The following SLC38A4 variants were observed in gnomAD, a reference collection of about 807,000 sequenced individuals.
SLC38A4 encodes the protein sodium-coupled neutral amino acid transporter 4.
Under a neutral mutation model 63.1 loss-of-function variants are expected in SLC38A4, and 20 were observed. The observed-to-expected ratio is 0.32, with a 90% CI of 0.22 to 0.46. SLC38A4 has a LOEUF of 0.46. SLC38A4 is among the 20% of genes least tolerant of loss of function. The pLI is 1.00. For synonymous variants in SLC38A4, 230 were observed against 225.5 expected, an observed-to-expected ratio of 1.02 and a Z score of -0.18; for missense variants, 526 against 663.6, an observed-to-expected ratio of 0.79 and a Z score of 2.28.
In SLC38A4 at chr12:46,785,738, C is replaced by CCTTT. The variant is rs1489385010; in HGVS notation, c.327-562_327-561insAAAG. ...AGCTAAGGATGGGGCACGAAAATTC[C>CCTTT]TTTTTTTTTTTTTTTTTTTTTTTTG... is the stretch of plus-strand genomic sequence containing the variant. On this transcript the variant is annotated intron_variant, in intron 5 of 16. Coordinates refer to ENST00000266579, the MANE Select transcript of SLC38A4 (RefSeq NM_018018.5). Among the ~76,000 whole-genome samples the CCTTT allele has an allele frequency of 3.8e-3, 257 of 66,912 alleles. 1 individual carries two copies. Among genetic ancestry groups the CCTTT allele is most frequent in the African/African-American group, 0.012 (223 of 18,944 alleles). The allele number at this position is 66,912 out of a possible 152,430, so 43.9% of individuals were successfully genotyped here. A position where few individuals can be genotyped will look rare whatever the true frequency, so the allele number is the denominator to read the frequency against.
At chr12:46,798,249 C>T (rs1939057682) in intron 2 of SLC38A4, among the ~76,000 whole-genome samples, 1 of 152,128 alleles carries the variant, frequency 6.6e-6, no homozygotes, top group South Asian at 2.1e-4. Context: ...AGGATAAAGT[C>T]CAAAATTCTC....
chr12:46,806,489 T>C (rs1939235144), intron 1 of SLC38A4, among the ~76,000 whole-genome samples: 1 of 152,008 alleles, frequency 6.6e-6, no homozygotes, highest in South Asian at 2.1e-4. Flanking sequence ...ACTGATAGTT[T>C]GGGTTTGGTG....
intron 3 of SLC38A4, among the ~76,000 whole-genome samples, chr12:46,788,821 A>C (rs953399456): frequency 6.6e-6 from 1 of 152,168 alleles, no homozygotes; most frequent in Non-Finnish European, 1.5e-5. Context: ...GGATGGAAGA[A>C]GGATGTTATA....
intron 2 of SLC38A4, among the ~76,000 whole-genome samples, chr12:46,799,659 A>G (rs1002507750): frequency 2.0e-5 from 3 of 152,158 alleles, no homozygotes; most frequent in Non-Finnish European, 4.4e-5. Context: ...ACACTTTTTC[A>G]TGGCTTATAT....
intron 1 of SLC38A4, among the ~76,000 whole-genome samples, chr12:46,805,452 G>C (rs1165578846): frequency 1.3e-5 from 2 of 151,946 alleles, no homozygotes; most frequent in Non-Finnish European, 2.9e-5. Context: ...TAGATCATTT[G>C]ACATTTTCAG....
At chr12:46,778,462 C>A in intron 11 of SLC38A4, 39 bp downstream of exon 11, 1 of 1,609,806 alleles carries the variant, frequency 6.2e-7, no homozygotes, top group Non-Finnish European at 8.5e-7. Context: ...TTAGAAAACA[C>A]ATAACTGTAC....
chr12:46,798,685 T>G (rs1939067514), intron 2 of SLC38A4, among the ~76,000 whole-genome samples: 1 of 152,176 alleles, frequency 6.6e-6, no homozygotes, highest in Admixed American at 6.5e-5. Flanking sequence ...TCCCAGAATT[T>G]TTTTAGAAAA....
upstream of SLC38A4, among the ~76,000 whole-genome samples, chr12:46,829,126 C>T (rs2120942512): frequency 6.6e-6 from 1 of 152,288 alleles, no homozygotes; most frequent in South Asian, 2.1e-4. Flanking sequence ...AATTTCCTGT[C>T]TGTAAAACAG....
intron 1 of SLC38A4, among the ~76,000 whole-genome samples, chr12:46,823,677 T>A (rs1222046777): frequency 6.6e-6 from 1 of 152,206 alleles, no homozygotes; most frequent in Non-Finnish European, 1.5e-5. Context: ...AATTCCAGAA[T>A]GTGAAATTCC....
In SLC38A4 at chr12:46,766,767, C is replaced by T; in HGVS notation, c.1578G>A (p.Met526Ile). 6.2e-7 allele frequency: 1 copy of T among 1,611,930 alleles called. No homozygotes were observed. The highest frequency in any genetic ancestry group is 1.1e-5 in the South Asian group (1 of 90,846). ...TTATAATGAGTGCCATGCTTCCAAT[C>T]ATGAAGAATATTCCAACCACAAGGA... ...LIFLVVGIFF[M>I]IGSMALIIID... The change falls in exon 17 of 17, where the codon ATG (methionine) becomes ATA (isoleucine). Residue 526 changes from methionine (M) to isoleucine (I), a missense_variant. Met to Ile is a conservative substitution (Grantham distance 10, BLOSUM62 1). Transcript: ENST00000266579.
At chr12:46,769,192 G>A (rs1188562075) in intron 15 of SLC38A4, 92 bp downstream of exon 15, 10 of 1,377,762 alleles carry the variant, frequency 7.3e-6, no homozygotes, top group Admixed American at 3.6e-5. Flanking sequence ...GAGAAAGAAC[G>A]GGGATCTGGA....
chr12:46,830,296 T>TCACACACACACACA (rs1383380116), upstream of SLC38A4, among the ~76,000 whole-genome samples: 1 of 118,970 alleles, frequency 8.4e-6, no homozygotes, highest in African/African-American at 4.0e-5. Context: ...TCTCTCTCTC[T>TCACACACACACACA]CTCACACACA....
At chr12:46,828,918 C>A (rs1274420705), upstream of SLC38A4, among the ~76,000 whole-genome samples, 5 of 152,210 alleles carry the variant, frequency 3.3e-5, no homozygotes, top group South Asian at 1.0e-3. Flanking sequence ...TCCTATCTCT[C>A]ACACCATACT....
chr12:46,784,984 G>A (rs1048420993), intron 6 of SLC38A4, 120 bp downstream of exon 6: 2 of 905,842 alleles, frequency 2.2e-6, no homozygotes, highest in Non-Finnish European at 3.6e-6. Flanking sequence ...GTGTCACTGG[G>A]CTCAGAAGAA....
upstream of SLC38A4, among the ~76,000 whole-genome samples, chr12:46,829,252 C>T (rs1288977148): frequency 6.6e-6 from 1 of 152,186 alleles, no homozygotes; most frequent in Non-Finnish European, 1.5e-5. Flanking sequence ...TGTCCCTCCC[C>T]TACTTCTACC....
intron 7 of SLC38A4, among the ~76,000 whole-genome samples, chr12:46,783,086 T>C (rs992329504): frequency 2.9e-5 from 4 of 137,092 alleles, no homozygotes; most frequent in African/African-American, 1.1e-4. Flanking sequence ...TGAGAGACAG[T>C]CAAGGGGAGA....
At chr12:46,790,004 G>A (rs1000992895) in intron 3 of SLC38A4, among the ~76,000 whole-genome samples, 7 of 152,152 alleles carry the variant, frequency 4.6e-5, no homozygotes, top group African/African-American at 1.7e-4. Context: ...CTTGAACCTG[G>A]GAGGCAGAGG....
At chr12:46,796,110 G>T (rs146225225) in intron 2 of SLC38A4, among the ~76,000 whole-genome samples, 18 of 152,204 alleles carry the variant, frequency 1.2e-4, no homozygotes, top group Admixed American at 1.2e-3. Context: ...ACTGCTCGAT[G>T]TTCAGGAATA....
intron 13 of SLC38A4, 62 bp downstream of exon 13, chr12:46,776,842 C>T: frequency 7.0e-7 from 1 of 1,425,522 alleles, no homozygotes; most frequent in Non-Finnish European, 9.9e-7. Flanking sequence ...TCATACCTAC[C>T]CAGGTCAAGG....
Sources: allele counts gnomAD v4.1 joint callset (sites outside exome capture counted in the v4.1 genomes callset), GRCh38; gene constraint gnomAD v4.1.1; transcripts MANE v1.5; gene names NCBI Gene and HGNC (gene_info 2026-07-23, HGNC 2026-07-21).